DIS3L2: variants seen among roughly 807,000 people sequenced by gnomAD.
DIS3L2 encodes DIS3-like exonuclease 2.
DIS3L2 carries 34 observed loss-of-function variants against 97.5 expected under a neutral mutation model. The ratio of observed to expected loss-of-function variants is 0.35; its 90% confidence interval spans 0.27 to 0.46. DIS3L2 has a LOEUF of 0.46. Ranked by LOEUF, DIS3L2 falls within the 20% of genes least tolerant of loss-of-function variation. The pLI, the probability that DIS3L2 is intolerant of heterozygous loss-of-function variation, is 1.00. For synonymous variants in DIS3L2, 435 were observed against 445.2 expected (o/e 0.98, Z 0.29); for missense variants, 1,038 against 1,146.0 (o/e 0.91, Z 1.36).
At chr2:232,172,863 AT>A in intron 9 of DIS3L2, 2 of 481,486 alleles carry the variant, frequency 4.2e-6, no homozygotes, top group South Asian at 3.1e-5. Context: ...CATTTCTGTC[AT>A]GACTAATGAG....
intron 5 of DIS3L2, among the ~76,000 whole-genome samples, chr2:232,084,202 CTTATGTGGT>C (rs1431258038): frequency 6.6e-6 from 1 of 152,084 alleles, no homozygotes; most frequent in Non-Finnish European, 1.5e-5. Flanking sequence ...GAAAACAAGG[CTTATGTGGT>C]AAAGCAGAAG....
intron 5 of DIS3L2, among the ~76,000 whole-genome samples, chr2:232,063,047 A>G (rs1695756796): frequency 6.6e-6 from 1 of 151,872 alleles, no homozygotes; most frequent in African/African-American, 2.4e-5. Context: ...TAACTAATCT[A>G]TTTCCATTGC....
intron 5 of DIS3L2, among the ~76,000 whole-genome samples, chr2:232,035,074 T>G (rs1159555797): frequency 3.3e-5 from 5 of 151,664 alleles, no homozygotes; most frequent in Admixed American, 6.6e-5. Flanking sequence ...TGTCTTTTTG[T>G]CTTGTCTATT....
intron 16 of DIS3L2, among the ~76,000 whole-genome samples, chr2:232,332,884 G>T (rs1168904244): frequency 6.6e-6 from 1 of 152,172 alleles, no homozygotes; most frequent in African/African-American, 2.4e-5. Flanking sequence ...GTGGGCCTAG[G>T]CTGGAGAGGA....
At position 232,182,106 on chromosome 2, in the gene DIS3L2, A is replaced by T. The variant is rs564068744; in HGVS notation, c.1124+18474A>T. Among the ~76,000 whole-genome samples, 8 of 152,340 alleles carry T rather than the reference A, an allele frequency of 5.3e-5. No homozygotes were observed. In the South Asian group the frequency reaches 1.7e-3, roughly 32 times the overall value. ...CTACTTCCCTGATTGCTTTAGCTACATCCCATAAATTTTCATAGGTTGTAT... is the reference window on the plus strand; with the variant it reads ...CTACTTCCCTGATTGCTTTAGCTACTTCCCATAAATTTTCATAGGTTGTAT... On this transcript the variant is annotated intron_variant, in intron 9 of 20. Transcript: ENST00000325385.
intron 3 of DIS3L2, chr2:232,015,876 A>G (rs544766434): frequency 2.0e-5 from 9 of 440,648 alleles, no homozygotes; most frequent in African/African-American, 1.2e-4. Context: ...GCACCACAAG[A>G]CAGGAACAGG....
At position 232,053,040 on chromosome 2, in the gene DIS3L2, T is replaced by C. The variant is rs77586801; in HGVS notation, c.366+22960T>C. On this transcript the variant is annotated intron_variant, in intron 5 of 20. Coordinates refer to ENST00000325385, the MANE Select transcript of DIS3L2 (RefSeq NM_152383.5). ...TGCAGACATAGATTTCTTTGTGAGATGGACTGGACTATAGTATTTCTTTTT... is the reference window on the plus strand; with the variant it reads ...TGCAGACATAGATTTCTTTGTGAGACGGACTGGACTATAGTATTTCTTTTT... Among the ~76,000 whole-genome samples, 31 of 152,350 alleles carry C rather than the reference T, an allele frequency of 2.0e-4. No individual in the cohort carries two copies. In the East Asian group the frequency reaches 6.0e-3, roughly 29 times the overall value.
intron 5 of DIS3L2, among the ~76,000 whole-genome samples, chr2:232,061,247 T>G (rs1413981967): frequency 6.6e-6 from 1 of 152,240 alleles, no homozygotes; most frequent in East Asian, 1.9e-4. Context: ...TCAGGGACTG[T>G]GTAACTCTAA....
chr2:232,236,395 G>C (rs1408168731), intron 10 of DIS3L2, among the ~76,000 whole-genome samples: 1 of 152,194 alleles, frequency 6.6e-6, no homozygotes, highest in African/African-American at 2.4e-5. Context: ...CTGTCAGTGA[G>C]TCATAATGGA....
At chr2:232,136,824 A>G (rs1016019954) in intron 8 of DIS3L2, 105 bp downstream of exon 8, 1 of 1,414,712 alleles carries the variant, frequency 7.1e-7, no homozygotes, top group African/African-American at 1.4e-5. Context: ...TCTTTATTGA[A>G]GCACGGTTTC....
At chr2:232,321,811 G>A (rs1236505985) in intron 14 of DIS3L2, among the ~76,000 whole-genome samples, 1 of 152,130 alleles carries the variant, frequency 6.6e-6, no homozygotes, top group Non-Finnish European at 1.5e-5. Flanking sequence ...TTCCAGGGGG[G>A]CCTGGAAACA....
At chr2:232,191,001 TA>T (rs1691605693) in intron 9 of DIS3L2, among the ~76,000 whole-genome samples, 1 of 152,240 alleles carries the variant, frequency 6.6e-6, no homozygotes, top group Non-Finnish European at 1.5e-5. Flanking sequence ...TCACTGTGTT[TA>T]GCCATGAAGC....
chr2:232,011,438 C>T (rs985518684), intron 1 of DIS3L2, among the ~76,000 whole-genome samples: 3 of 151,918 alleles, frequency 2.0e-5, no homozygotes, highest in African/African-American at 2.4e-5. Context: ...ACTGCAACCT[C>T]TGCCTCCCAG....
intron 9 of DIS3L2, 117 bp downstream of exon 9, chr2:232,163,749 A>G (rs977412304): frequency 8.2e-7 from 1 of 1,225,300 alleles, no homozygotes; most frequent in Admixed American, 2.8e-5. Context: ...TCAGTTGGGA[A>G]TAGGTGCTTC....
intron 6 of DIS3L2, among the ~76,000 whole-genome samples, chr2:232,126,184 C>T (rs189228570): frequency 2.6e-5 from 4 of 152,162 alleles, no homozygotes; most frequent in African/African-American, 9.7e-5. Flanking sequence ...CTCTAAAATA[C>T]ATGTGTGATA....
rs191587643 is a variant in DIS3L2, at chr2:232,334,786, C to T, written c.2394+51C>T. On this transcript the variant is annotated intron_variant, in intron 19 of 20. Coordinates refer to ENST00000325385, the MANE Select transcript of DIS3L2 (RefSeq NM_152383.5). ...GCGGGCAGGGCAGCCCAAGCCATCCCGCACTGGAGGGGCACAGGCTGTGAT... is the reference window on the plus strand; with the variant it reads ...GCGGGCAGGGCAGCCCAAGCCATCCTGCACTGGAGGGGCACAGGCTGTGAT... 1.0e-3 allele frequency: 1,545 copies of T among 1,509,576 alleles called. 8 individuals carry two copies. The African/African-American group carries it at 0.014, about 14-fold the overall frequency. The allele number at this position is 1,509,576 out of a possible 1,614,324, so 93.5% of individuals were successfully genotyped here.
At chr2:231,987,701 TTGTCTCCATGAGAAGCAGGGATTACAG>T (rs1465800289) in intron 1 of DIS3L2, among the ~76,000 whole-genome samples, 1 of 152,220 alleles carries the variant, frequency 6.6e-6, no homozygotes, top group African/African-American at 2.4e-5. Context: ...TGGGTTTGTT[TTGTCTCCATGAGAAGCAGGGATTACAG>T]TGCTGGTGTT....
At chr2:231,974,174 G>C (rs1693006166) in intron 1 of DIS3L2, among the ~76,000 whole-genome samples, 1 of 152,100 alleles carries the variant, frequency 6.6e-6, no homozygotes, top group Non-Finnish European at 1.5e-5. Flanking sequence ...TGAAGTGGGG[G>C]ACAAGGGGGT....
chr2:232,234,107 C>G (rs975096234), intron 10 of DIS3L2, among the ~76,000 whole-genome samples: 6 of 152,222 alleles, frequency 3.9e-5, no homozygotes, highest in Admixed American at 3.3e-4. Context: ...GTTGCAGTGA[C>G]AGTTTATGGC....
Sources: allele counts gnomAD v4.1 joint callset (sites outside exome capture counted in the v4.1 genomes callset), GRCh38; gene constraint gnomAD v4.1.1; transcripts MANE v1.5; gene names NCBI Gene and HGNC (gene_info 2026-07-23, HGNC 2026-07-21).